ARMC8: variants seen among roughly 807,000 people sequenced by gnomAD.
The protein encoded by ARMC8 is armadillo repeat containing 8, also known as armadillo repeat-containing protein 8.
In ARMC8, 20 loss-of-function variants were observed where a neutral mutation model predicts 99.3. That is an observed-to-expected ratio of 0.20 (90% CI 0.14 to 0.29). The LOEUF is 0.29. ARMC8 is among the 10% of genes least tolerant of loss of function. The pLI is 1.00. For synonymous variants in ARMC8, 263 were observed against 278.3 expected (o/e 0.95, Z 0.55); for missense variants, 569 against 809.5 (o/e 0.70, Z 3.60).
At chr3:138,233,354 T>A (rs537810458) in intron 6 of ARMC8, among the ~76,000 whole-genome samples, 1 of 152,320 alleles carries the variant, frequency 6.6e-6, no homozygotes, top group East Asian at 1.9e-4. Flanking sequence ...ATCACACCAT[T>A]TTACTCTGGG....
chr3:138,248,918 A>C (rs2047000846), intron 12 of ARMC8, among the ~76,000 whole-genome samples: 1 of 152,234 alleles, frequency 6.6e-6, no homozygotes, highest in Non-Finnish European at 1.5e-5. Flanking sequence ...GGGGCACCTG[A>C]CTAATGGAGC....
intron 15 of ARMC8, among the ~76,000 whole-genome samples, chr3:138,269,782 A>T (rs866561628): frequency 1.6e-4 from 25 of 151,992 alleles, no homozygotes; most frequent in African/African-American, 5.1e-4. Flanking sequence ...CTACAAGGAT[A>T]AAAGGAAATG....
chr3:138,262,613 A>AAT, intron 12 of ARMC8: 1 of 1,497,216 alleles, frequency 6.7e-7, no homozygotes, highest in Non-Finnish European at 9.0e-7. Context: ...AAAAAAAAAA[A>AAT]TTTAGGTGCC....
rs2048259330 is a variant in ARMC8 at position 138,266,069 on chromosome 3, G to A, written c.1300-1086G>A. ...CTTATGAGGCCTATCAGAACAGTAT[G>A]TTTCTTTAACAACTTATTTTCAGTG... On this transcript the variant is annotated intron_variant, in intron 14 of 21. Coordinates refer to ENST00000469044, the MANE Select transcript of ARMC8 (RefSeq NM_001363941.2). 2.0e-5 allele frequency among the ~76,000 whole-genome samples: 3 copies of A among 152,262 alleles called. No individual in the cohort carries two copies. In the East Asian group the frequency reaches 5.8e-4, roughly 29 times the overall value.
rs373913522 is a variant in ARMC8, at chr3:138,245,077, T to A, written c.1039-11T>A. 56 of 1,613,378 alleles carry A rather than the reference T, an allele frequency of 3.5e-5. No homozygotes were observed. In the East Asian group the frequency reaches 7.1e-4, roughly 21 times the overall value. On this transcript the variant is annotated splice_polypyrimidine_tract_variant and intron_variant, in intron 11 of 21. Coordinates refer to ENST00000469044, the MANE Select transcript of ARMC8 (RefSeq NM_001363941.2). ...GGACTGAGTTGGAACATATCCTTTT[T>A]TTCCCCATAGCTTGATCATGATTTA...
At chr3:138,237,780 C>G (rs754231893) in intron 9 of ARMC8, among the ~76,000 whole-genome samples, 12 of 152,124 alleles carry the variant, frequency 7.9e-5, no homozygotes, top group Admixed American at 7.2e-4. Context: ...CAGGAACTCT[C>G]GTATAACATC....
intron 18 of ARMC8, among the ~76,000 whole-genome samples, chr3:138,280,567 C>T (rs1253928408): frequency 6.7e-6 from 1 of 148,574 alleles, no homozygotes; most frequent in Non-Finnish European, 1.5e-5. Flanking sequence ...GATCTCGGCT[C>T]ACTGCAAGCT....
intron 11 of ARMC8, among the ~76,000 whole-genome samples, chr3:138,242,548 G>A (rs756468871): frequency 6.6e-6 from 1 of 152,078 alleles, no homozygotes; most frequent in Admixed American, 6.6e-5. Context: ...AGAATAGATC[G>A]GTATTTATTT....
chr3:138,188,591 C>T, intron 1 of ARMC8: 4 of 1,605,654 alleles, frequency 2.5e-6, no homozygotes, highest in South Asian at 1.1e-5. Context: ...ACTGATTGAC[C>T]ATCTTTTAGA....
At chr3:138,189,542 G>A (rs1378522140) in intron 1 of ARMC8, among the ~76,000 whole-genome samples, 1 of 152,172 alleles carries the variant, frequency 6.6e-6, no homozygotes, top group African/African-American at 2.4e-5. Flanking sequence ...AAGCTACAAT[G>A]TACCAGTTAC....
intron 12 of ARMC8, among the ~76,000 whole-genome samples, chr3:138,258,081 G>A (rs1358702696): frequency 6.6e-6 from 1 of 152,090 alleles, no homozygotes; most frequent in Non-Finnish European, 1.5e-5. Context: ...GAATTAAATT[G>A]TATTTGCTTG....
intron 2 of ARMC8, among the ~76,000 whole-genome samples, chr3:138,215,503 A>G (rs1242180239): frequency 6.6e-6 from 1 of 152,186 alleles, no homozygotes; most frequent in Non-Finnish European, 1.5e-5. Flanking sequence ...AGCATGAGCC[A>G]CCGTGTCCGG....
At chr3:138,276,697 A>G (rs1337764447) in intron 18 of ARMC8, among the ~76,000 whole-genome samples, 1 of 152,242 alleles carries the variant, frequency 6.6e-6, no homozygotes, top group Non-Finnish European at 1.5e-5. Flanking sequence ...ATGAAATTCT[A>G]TGTATAAATC....
intron 1 of ARMC8, among the ~76,000 whole-genome samples, chr3:138,190,461 G>C (rs1428596859): frequency 6.6e-6 from 1 of 151,564 alleles, no homozygotes; most frequent in African/African-American, 2.4e-5. Context: ...TAATTTTTTT[G>C]TATTTTTAGT....
chr3:138,284,642 C>G (rs1394335201), intron 19 of ARMC8, 116 bp downstream of exon 19: 1 of 745,190 alleles, frequency 1.3e-6, no homozygotes, highest in East Asian at 2.5e-5. Context: ...TACTCTGTGA[C>G]TCCTCAGATT....
intron 17 of ARMC8, among the ~76,000 whole-genome samples, chr3:138,273,647 AG>A (rs1306131155): frequency 6.6e-6 from 1 of 152,152 alleles, no homozygotes; most frequent in African/African-American, 2.4e-5. Context: ...ATGTTCCCCA[AG>A]AAACAATGCA....
At chr3:138,246,783 T>C (rs2046900873) in intron 12 of ARMC8, 39 of 984,190 alleles carry the variant, frequency 4.0e-5, no homozygotes, top group Non-Finnish European at 4.6e-5. Flanking sequence ...ATCAGTAGTC[T>C]ATTAAAACTT....
chr3:138,188,648 G>C, intron 1 of ARMC8: 1 of 1,336,676 alleles, frequency 7.5e-7, no homozygotes, highest in Admixed American at 1.7e-5. Context: ...GATTATAAAT[G>C]ACTTGTCGGG....
chr3:138,234,117 T>G (rs1234895303), intron 6 of ARMC8, among the ~76,000 whole-genome samples: 1 of 152,102 alleles, frequency 6.6e-6, no homozygotes, highest in African/African-American at 2.4e-5. Context: ...TTTTTGTTTT[T>G]TTTTTTGAGA....
Sources: gnomAD v4.1 joint callset for allele counts (sites outside exome capture counted in the v4.1 genomes callset) on GRCh38, gnomAD v4.1.1 for gene constraint, MANE v1.5 for transcripts, NCBI Gene and HGNC (gene_info 2026-07-23, HGNC 2026-07-21) for gene names.